The following LDB2 variants were observed in gnomAD, a reference collection of about 807,000 sequenced individuals.
The protein encoded by LDB2 is LIM domain-binding protein 2.
In LDB2, 12 loss-of-function variants were observed where a neutral mutation model predicts 44.3. The observed-to-expected ratio is 0.27, with a 90% CI of 0.17 to 0.44. The LOEUF (loss-of-function observed/expected upper bound fraction) is 0.44, where lower values mean the gene tolerates loss of function less well. Among genes scored for constraint, LDB2 ranks in the 20% least tolerant of loss-of-function variants. The probability of loss-of-function intolerance (pLI) is 1.00; values close to 1 mark genes in which losing one functional copy is unlikely to be tolerated. For synonymous variants in LDB2, 164 were observed against 174.8 expected (o/e 0.94, Z 0.49); for missense variants, 344 against 473.5 (o/e 0.73, Z 2.54).
At chr4:16,697,923 T>A (rs1431093762) in intron 2 of LDB2, among the ~76,000 whole-genome samples, 2 of 152,234 alleles carry the variant, frequency 1.3e-5, no homozygotes, top group African/African-American at 4.8e-5. Flanking sequence ...ACCATGGCAG[T>A]GCTAGCAACT....
At chr4:16,836,032 T>G (rs1784832081) in intron 1 of LDB2, among the ~76,000 whole-genome samples, 1 of 152,230 alleles carries the variant, frequency 6.6e-6, no homozygotes, top group South Asian at 2.1e-4. Context: ...GATTTTAAGC[T>G]AGCAACACAA....
At chr4:16,599,324 C>T (rs986795561) in intron 2 of LDB2, among the ~76,000 whole-genome samples, 2 of 152,130 alleles carry the variant, frequency 1.3e-5, no homozygotes, top group African/African-American at 4.8e-5. Flanking sequence ...CATGTGGCCC[C>T]TTCCTCCATC....
At chr4:16,640,011 C>A (rs1260852254) in intron 2 of LDB2, among the ~76,000 whole-genome samples, 2 of 152,182 alleles carry the variant, frequency 1.3e-5, no homozygotes, top group African/African-American at 2.4e-5. Context: ...AGCTAATTCC[C>A]AAATTTTCAT....
chr4:16,851,663 A>G (rs1390933821), intron 1 of LDB2, among the ~76,000 whole-genome samples: 1 of 152,176 alleles, frequency 6.6e-6, no homozygotes, highest in African/African-American at 2.4e-5. Flanking sequence ...AAAAGATGTC[A>G]TTAGGATTTG....
chr4:16,573,798 G>A (rs746919179), intron 5 of LDB2, among the ~76,000 whole-genome samples: 8 of 152,112 alleles, frequency 5.3e-5, no homozygotes, highest in Non-Finnish European at 8.8e-5. Context: ...CAGTAACTAC[G>A]GGTCATCTCA....
chr4:16,688,170 T>A (rs2152575599), intron 2 of LDB2, among the ~76,000 whole-genome samples: 1 of 152,348 alleles, frequency 6.6e-6, no homozygotes, highest in African/African-American at 2.4e-5. Context: ...TTTTTGCAAC[T>A]ACTCTGCATA....
chr4:16,759,442 A>G, intron 1 of LDB2, 182 bp from the exon 2 acceptor site: 1 of 565,062 alleles, frequency 1.8e-6, no homozygotes, highest in East Asian at 2.8e-5. Context: ...TCAAATAGGA[A>G]CCAAATTCCA....
chr4:16,565,660 A>G (rs537839129), intron 5 of LDB2, among the ~76,000 whole-genome samples: 64 of 152,170 alleles, frequency 4.2e-4, no homozygotes, highest in African/African-American at 1.5e-3. Context: ...AAAAGAAAGA[A>G]ATAAGATATA....
At chr4:16,831,634 A>G (rs9291650) in intron 1 of LDB2, among the ~76,000 whole-genome samples, 2,295 of 152,304 alleles carry the variant, frequency 0.015, 48 homozygotes, top group African/African-American at 0.052. Flanking sequence ...GTAACTGAGG[A>G]CAACTTCATA....
chr4:16,776,258 C>T (rs891629158), intron 1 of LDB2, among the ~76,000 whole-genome samples: 1 of 152,188 alleles, frequency 6.6e-6, no homozygotes, highest in Admixed American at 6.5e-5. Context: ...AAGGACAATT[C>T]CAAGGGTCCT....
At chr4:16,639,483 C>T (rs141451979) in intron 2 of LDB2, among the ~76,000 whole-genome samples, 9 of 152,038 alleles carry the variant, frequency 5.9e-5, no homozygotes, top group African/African-American at 1.5e-4. Context: ...ATTATTGAGA[C>T]GGAGTTTTGA....
At chr4:16,629,309 C>G (rs779708681) in intron 2 of LDB2, among the ~76,000 whole-genome samples, 14 of 152,292 alleles carry the variant, frequency 9.2e-5, no homozygotes, top group Admixed American at 2.0e-4. Context: ...CAAAAATGGA[C>G]AGACTGCCTC....
intron 2 of LDB2, among the ~76,000 whole-genome samples, chr4:16,697,302 C>CACACACACACACAA (rs1454636202): frequency 4.8e-5 from 7 of 144,468 alleles, no homozygotes; most frequent in African/African-American, 1.8e-4. Context: ...CACACACACA[C>CACACACACACACAA]AAATTAGCCA....
intron 1 of LDB2, among the ~76,000 whole-genome samples, chr4:16,773,752 A>C (rs1051022541): frequency 3.3e-5 from 5 of 151,734 alleles, no homozygotes; most frequent in African/African-American, 1.2e-4. Context: ...CTTTTTTTAG[A>C]GAGACAGGGT....
chr4:16,848,183 A>C (rs535249435), intron 1 of LDB2, among the ~76,000 whole-genome samples: 3 of 152,218 alleles, frequency 2.0e-5, no homozygotes, highest in Non-Finnish European at 4.4e-5. Context: ...AATTTTAAAA[A>C]GCAAAAAAGA....
At chr4:16,604,325 T>TG (rs1186301011) in intron 2 of LDB2, among the ~76,000 whole-genome samples, 1 of 152,094 alleles carries the variant, frequency 6.6e-6, no homozygotes, top group Admixed American at 6.6e-5. Flanking sequence ...TAATAGCTTT[T>TG]GGGGAATGTT....
chr4:16,594,448 T>C (rs1453659521), intron 3 of LDB2, among the ~76,000 whole-genome samples: 1 of 152,158 alleles, frequency 6.6e-6, no homozygotes, highest in African/African-American at 2.4e-5. Flanking sequence ...CTGACAACTC[T>C]CCTCTCTGCC....
chr4:16,794,965 G>C (rs943561997), intron 1 of LDB2, among the ~76,000 whole-genome samples: 13 of 152,198 alleles, frequency 8.5e-5, no homozygotes, highest in African/African-American at 3.1e-4. Flanking sequence ...AAATTAAACA[G>C]TGAGCGAAAA....
At chr4:16,854,191 G>C (rs1484258393) in intron 1 of LDB2, among the ~76,000 whole-genome samples, 1 of 151,790 alleles carries the variant, frequency 6.6e-6, no homozygotes, top group East Asian at 1.9e-4. Context: ...GTGAGATTAT[G>C]GACTGTTATT....
Sources: gnomAD v4.1 joint callset for allele counts (sites outside exome capture counted in the v4.1 genomes callset) on GRCh38, gnomAD v4.1.1 for gene constraint, MANE v1.5 for transcripts, NCBI Gene and HGNC (gene_info 2026-07-23, HGNC 2026-07-21) for gene names.